The following SCIN variants were observed in gnomAD, a reference collection of about 807,000 sequenced individuals.
The protein encoded by SCIN is adseverin.
SCIN carries 91 observed loss-of-function variants against 91.8 expected under a neutral mutation model. That is an observed-to-expected ratio of 0.99 (90% CI 0.84 to 1.18). The LOEUF is 1.18. SCIN is among the 50% of genes most tolerant of loss of function. The pLI is 0.00. For synonymous variants in SCIN, 367 were observed against 312.6 expected, an observed-to-expected ratio of 1.17 and a Z score of -1.84; for missense variants, 1,087 against 863.9, an observed-to-expected ratio of 1.26 and a Z score of -3.24.
intron 1 of SCIN, among the ~76,000 whole-genome samples, chr7:12,573,898 G>A (rs116851329): frequency 0.014 from 2,201 of 152,254 alleles, 23 homozygotes; most frequent in Middle Eastern, 0.024. Context: ...GAACTTATAC[G>A]AAGGACTGGC....
intron 8 of SCIN, 74 bp from the exon 9 acceptor site, chr7:12,629,027 T>A (rs1783588779): frequency 1.6e-6 from 2 of 1,278,912 alleles, no homozygotes; most frequent in Non-Finnish European, 2.1e-6. Flanking sequence ...GAACCAAAAA[T>A]TATTTAAAGC....
At chr7:12,622,757 A>T in intron 4 of SCIN, 44 bp from the exon 5 acceptor site, 1 of 1,303,800 alleles carries the variant, frequency 7.7e-7, no homozygotes. Flanking sequence ...GCATCCTTCA[A>T]TGGGAGATCT....
At position 12,625,062 on chromosome 7, in the gene SCIN, C is replaced by T; in HGVS notation, c.812C>T (p.Pro271Leu). Residue 271 changes from proline (P) to leucine (L), a missense_variant, in exon 6 of 16, where the codon CCC (proline) becomes CTC (leucine). Pro to Leu is a moderately conservative substitution (Grantham distance 98). Transcript: ENST00000297029. ...GTGACTGTGGTGGCAGAAGAAAACC[C>T]CTTCTCAATGGCAATGCTGCTGTCT... is the stretch of plus-strand genomic sequence containing the variant. ...MRVTVVAEEN[P>L]FSMAMLLSEE... 8 of 1,593,494 alleles carry T rather than the reference C, an allele frequency of 5.0e-6. No homozygotes were observed. The highest frequency in any genetic ancestry group is 6.8e-6 in the Non-Finnish European group (8 of 1,168,996).
intron 3 of SCIN, among the ~76,000 whole-genome samples, chr7:12,599,447 T>C (rs1441401771): frequency 6.6e-6 from 1 of 152,076 alleles, no homozygotes; most frequent in East Asian, 1.9e-4. Context: ...GCTGGTCCCA[T>C]ATTCTTGCAA....
chr7:12,647,458 C>G (rs1583323465), intron 13 of SCIN, among the ~76,000 whole-genome samples: 1 of 152,176 alleles, frequency 6.6e-6, no homozygotes, highest in South Asian at 2.1e-4. Flanking sequence ...TGCCCATGTG[C>G]TGTCACTTAT....
At position 12,651,171 on chromosome 7, in the gene SCIN, A is replaced by G. The variant is rs990964793; in HGVS notation, c.1960-670A>G. Among the ~76,000 whole-genome samples the G allele has an allele frequency of 6.6e-6, 1 of 152,228 alleles. No individual in the cohort carries two copies. The highest frequency in any genetic ancestry group is 1.5e-5 in the Non-Finnish European group (1 of 68,042). ...AAAGAATGGGGGATTGCAGGATGGC[A>G]AAACTGGTTATGGGAGGGAGAGAAG... On this transcript the variant is annotated intron_variant, in intron 14 of 15. Coordinates refer to ENST00000297029, the MANE Select transcript of SCIN (RefSeq NM_001112706.3). The surrounding 1 kb of genome is among the most constrained non-coding windows in gnomAD (Gnocchi z 5.9).
At chr7:12,621,209 G>T (rs1783400789) in intron 4 of SCIN, among the ~76,000 whole-genome samples, 1 of 152,080 alleles carries the variant, frequency 6.6e-6, no homozygotes, top group Non-Finnish European at 1.5e-5. Context: ...ATATACCCCA[G>T]TGACCTCAAA....
At chr7:12,604,278 A>T (rs1783025409) in intron 3 of SCIN, among the ~76,000 whole-genome samples, 1 of 152,166 alleles carries the variant, frequency 6.6e-6, no homozygotes, top group Non-Finnish European at 1.5e-5. Flanking sequence ...TTTATAGATT[A>T]TATACACAGA....
chr7:12,643,171 G>A (rs950538983), intron 11 of SCIN, among the ~76,000 whole-genome samples: 5 of 151,984 alleles, frequency 3.3e-5, no homozygotes, highest in Admixed American at 2.6e-4. Flanking sequence ...TTATTTTCTT[G>A]CAGCCTCTCA....
At position 12,624,998 on chromosome 7, in the gene SCIN, T is replaced by A; in HGVS notation, c.760-12T>A. 6.4e-7 allele frequency: 1 copy of A among 1,550,568 alleles called. No homozygotes were observed. The highest frequency in any genetic ancestry group is 8.7e-7 in the Non-Finnish European group (1 of 1,146,654). ...CCAAATGAAAACATGGAGGTCATGG[T>A]TTTTATATTAGGTTTCAGATGCAAG... On this transcript the variant is annotated splice_polypyrimidine_tract_variant and intron_variant, in intron 5 of 15. Coordinates refer to ENST00000297029, the MANE Select transcript of SCIN (RefSeq NM_001112706.3).
At chr7:12,635,680 T>C (rs1157593175) in intron 9 of SCIN, among the ~76,000 whole-genome samples, 2 of 101,428 alleles carry the variant, frequency 2.0e-5, no homozygotes, top group African/African-American at 7.7e-5. Flanking sequence ...TTCAACCTAA[T>C]AAGTTTGGCT....
intron 3 of SCIN, among the ~76,000 whole-genome samples, chr7:12,587,012 T>G (rs988818760): frequency 3.9e-5 from 6 of 152,122 alleles, no homozygotes; most frequent in Non-Finnish European, 7.3e-5. Context: ...GTTCTACTGT[T>G]GTATAGTGCT....
At chr7:12,627,253 C>T (rs999944708) in intron 8 of SCIN, among the ~76,000 whole-genome samples, 3 of 152,112 alleles carry the variant, frequency 2.0e-5, no homozygotes, top group Non-Finnish European at 4.4e-5. Context: ...GACCCTTGAC[C>T]CTTTCCGTCA....
At chr7:12,585,790 G>A (rs114770769) in intron 3 of SCIN, among the ~76,000 whole-genome samples, 350 of 152,294 alleles carry the variant, frequency 2.3e-3, no homozygotes, top group African/African-American at 8.1e-3. Flanking sequence ...AGTACCCAGT[G>A]CCTGACACAT....
chr7:12,572,274 G>C (rs572258572), intron 1 of SCIN, among the ~76,000 whole-genome samples: 1 of 152,278 alleles, frequency 6.6e-6, no homozygotes, highest in Admixed American at 6.5e-5. Context: ...GGCTCAGCCT[G>C]AGTTCTGAAC....
chr7:12,645,226 G>A (rs192155359), intron 13 of SCIN, among the ~76,000 whole-genome samples: 1 of 152,068 alleles, frequency 6.6e-6, no homozygotes, highest in African/African-American at 2.4e-5. Flanking sequence ...GGCTGAGACA[G>A]GAGAATCTCT....
chr7:12,595,553 T>C (rs1310135124), intron 3 of SCIN: 1 of 152,090 alleles, frequency 6.6e-6, no homozygotes, highest in Non-Finnish European at 1.5e-5. Flanking sequence ...ACTGTTGTCA[T>C]CTGGCTGCTT....
chr7:12,634,787 C>T (rs1354231515), intron 9 of SCIN, among the ~76,000 whole-genome samples: 1 of 152,184 alleles, frequency 6.6e-6, no homozygotes, highest in Non-Finnish European at 1.5e-5. Context: ...ACAGAGTTAA[C>T]AGCCACAAGC....
intron 4 of SCIN, among the ~76,000 whole-genome samples, chr7:12,608,556 C>T (rs1395420467): frequency 1.3e-5 from 2 of 152,120 alleles, no homozygotes; most frequent in Non-Finnish European, 2.9e-5. Context: ...CGGCACACTG[C>T]AGCCTCTGCC....
Sources: allele counts gnomAD v4.1 joint callset (sites outside exome capture counted in the v4.1 genomes callset), GRCh38; gene constraint gnomAD v4.1.1; non-coding constraint Gnocchi (gnomAD v3.1); transcripts MANE v1.5; gene names NCBI Gene and HGNC (gene_info 2026-07-23, HGNC 2026-07-21).